Variants in DLGAP4 observed in about 807,000 individuals in gnomAD.
DLGAP4 encodes the protein disks large-associated protein 4.
In DLGAP4, 18 loss-of-function variants were observed where a neutral mutation model predicts 86.9. The ratio of observed to expected loss-of-function variants is 0.21; its 90% confidence interval spans 0.14 to 0.31. DLGAP4 has a LOEUF of 0.31. DLGAP4 is among the 10% of genes least tolerant of loss of function. The pLI, the probability that DLGAP4 is intolerant of heterozygous loss-of-function variation, is 1.00. For synonymous variants in DLGAP4, 548 were observed against 574.3 expected (o/e 0.95, Z 0.65); for missense variants, 1,085 against 1,362.6 (o/e 0.80, Z 3.21).
Position 36,526,829 on chromosome 20 carries a change from C to A in DLGAP4, c.2777C>A (p.Pro926His). 6.2e-7 allele frequency: 1 copy of A among 1,606,576 alleles called. No homozygotes were observed. The highest frequency in any genetic ancestry group is 8.5e-7 in the Non-Finnish European group (1 of 1,177,816). ...PEKRKEEKKP[P>H]PPVPKKPAKS... ...TCACTAAAGGAAGAGAAGAAACCAC[C>A]CCCTCCGGTCCCAAAGAAGCCAGCC... is the stretch of plus-strand genomic sequence containing the variant. Residue 926 changes from proline to histidine, a missense_variant, in exon 13 of 13, where the codon CCC (proline) becomes CAC (histidine). By Grantham distance (77) the Pro-to-His change is moderately conservative. Around this residue, in one of 2 missense-constraint regions of DLGAP4, gnomAD observed 1,082 missense variants for 1,344.1 expected, o/e 0.81. Transcript: ENST00000339266.
At chr20:36,351,636 G>A (rs1021625128) in intron 1 of DLGAP4, among the ~76,000 whole-genome samples, 8 of 151,990 alleles carry the variant, frequency 5.3e-5, no homozygotes, top group African/African-American at 1.2e-4. Flanking sequence ...AATGTAATGC[G>A]CTTGAATCAT....
chr20:36,368,487 G>A (rs901582281), intron 2 of DLGAP4, among the ~76,000 whole-genome samples: 2 of 152,274 alleles, frequency 1.3e-5, no homozygotes, highest in Non-Finnish European at 2.9e-5. Context: ...GCTGCCCGCT[G>A]GGGTGGCGCC....
chr20:36,475,537 T>C (rs1303040786), intron 7 of DLGAP4, among the ~76,000 whole-genome samples: 2 of 152,178 alleles, frequency 1.3e-5, no homozygotes, highest in African/African-American at 4.8e-5. Flanking sequence ...CCAATTCCTG[T>C]CCAAGATTCT....
intron 1 of DLGAP4, among the ~76,000 whole-genome samples, chr20:36,346,793 A>C (rs987217697): frequency 7.9e-5 from 12 of 152,080 alleles, no homozygotes; most frequent in African/African-American, 2.7e-4. Flanking sequence ...TCTCCTCTTA[A>C]AACTCATGCA....
At chr20:36,468,149 G>A (rs1178678269) in intron 7 of DLGAP4, among the ~76,000 whole-genome samples, 2 of 152,200 alleles carry the variant, frequency 1.3e-5, no homozygotes, top group Non-Finnish European at 2.9e-5. Flanking sequence ...AGGAGCTAGG[G>A]ACCCTCACAC....
chr20:36,472,682 C>A (rs2034722994), intron 7 of DLGAP4, among the ~76,000 whole-genome samples: 1 of 152,032 alleles, frequency 6.6e-6, no homozygotes, highest in Non-Finnish European at 1.5e-5. Flanking sequence ...CCTTAACTCT[C>A]AACATCTTTC....
At chr20:36,517,001 C>T (rs549844711) in intron 10 of DLGAP4, among the ~76,000 whole-genome samples, 4 of 151,302 alleles carry the variant, frequency 2.6e-5, no homozygotes, top group Non-Finnish European at 5.9e-5. Context: ...CGCCTGACCT[C>T]GTGATCCGCC....
At chr20:36,358,546 C>G (rs1180712175) in intron 1 of DLGAP4, among the ~76,000 whole-genome samples, 1 of 152,182 alleles carries the variant, frequency 6.6e-6, no homozygotes, top group Non-Finnish European at 1.5e-5. Context: ...GTGGCTCACG[C>G]CTATAATCCC....
chr20:36,407,280 C>T (rs571829971), intron 2 of DLGAP4, among the ~76,000 whole-genome samples: 63 of 152,264 alleles, frequency 4.1e-4, no homozygotes, highest in Middle Eastern at 6.8e-3. Context: ...TTTAAGGCTG[C>T]AGTGAGCCAT....
At chr20:36,526,462 G>C (rs762783805) in intron 12 of DLGAP4, among the ~76,000 whole-genome samples, 15 of 152,062 alleles carry the variant, frequency 9.9e-5, no homozygotes, top group Non-Finnish European at 1.8e-4. Context: ...AGAATAGCCT[G>C]TAAAATGGGA....
At chr20:36,380,067 C>T (rs1372081190) in intron 2 of DLGAP4, among the ~76,000 whole-genome samples, 2 of 151,896 alleles carry the variant, frequency 1.3e-5, no homozygotes, top group Non-Finnish European at 2.9e-5. Flanking sequence ...CCTCTAGTTT[C>T]ACCTGCTCAG....
chr20:36,350,253 T>C lies in DLGAP4; in HGVS notation c.-303-16792T>C, dbSNP rs991544436. ...CCTTCGGCATCAGTTTCTCTTTGTG[T>C]GCTAGAGACAGTTTCCTTGTGGATA... On this transcript the variant is annotated intron_variant, in intron 1 of 12. Transcript: ENST00000339266. This position sits in a 1 kb window ranked among gnomAD's most constrained non-coding sequence, Gnocchi z 4.4. Among the ~76,000 whole-genome samples, 2 of 152,198 alleles carry C rather than the reference T, an allele frequency of 1.3e-5. No homozygotes were observed. The highest frequency in any genetic ancestry group is 2.9e-5 in the Non-Finnish European group (2 of 68,040).
chr20:36,430,537 G>A (rs1350491869), intron 2 of DLGAP4, among the ~76,000 whole-genome samples: 1 of 151,778 alleles, frequency 6.6e-6, no homozygotes, highest in Admixed American at 6.6e-5. Flanking sequence ...GGCCTCTCTA[G>A]GCAGGCACAG....
At chr20:36,460,753 C>T (rs1177358746) in intron 7 of DLGAP4, among the ~76,000 whole-genome samples, 2 of 152,246 alleles carry the variant, frequency 1.3e-5, no homozygotes, top group African/African-American at 2.4e-5. Flanking sequence ...GAAGGCACCA[C>T]CTACTGCCAA....
intron 10 of DLGAP4, among the ~76,000 whole-genome samples, chr20:36,506,733 C>CTGG (rs2036395117): frequency 6.6e-6 from 1 of 152,206 alleles, no homozygotes; most frequent in Non-Finnish European, 1.5e-5. Flanking sequence ...TAAATTCACA[C>CTGG]TGTTGTATAA....
chr20:36,400,432 G>T (rs74842993), intron 2 of DLGAP4, among the ~76,000 whole-genome samples: 1 of 152,150 alleles, frequency 6.6e-6, no homozygotes, highest in Non-Finnish European at 1.5e-5. Flanking sequence ...AATATGAGTC[G>T]TATTATAAAT....
At chr20:36,355,343 G>C (rs1171468556) in intron 1 of DLGAP4, among the ~76,000 whole-genome samples, 1 of 149,712 alleles carries the variant, frequency 6.7e-6, no homozygotes, top group Non-Finnish European at 1.5e-5. Context: ...TGTCTTCCAG[G>C]CTGGAGTGCA....
intron 1 of DLGAP4, among the ~76,000 whole-genome samples, chr20:36,345,224 G>A (rs2029898041): frequency 6.6e-6 from 1 of 152,214 alleles, no homozygotes; most frequent in Non-Finnish European, 1.5e-5. Context: ...TGAGGCAAAG[G>A]GACCATCTTC....
At chr20:36,483,863 GCCACCCTCTAAC>G (rs950159215) in intron 7 of DLGAP4, among the ~76,000 whole-genome samples, 1 of 152,216 alleles carries the variant, frequency 6.6e-6, no homozygotes, top group East Asian at 1.9e-4. Context: ...AGCCAGAGCT[GCCACCCTCTAAC>G]CCACTCAGGA....
Sources: allele counts gnomAD v4.1 joint callset (sites outside exome capture counted in the v4.1 genomes callset), GRCh38; gene constraint gnomAD v4.1.1; regional missense constraint gnomAD v4.1.1; non-coding constraint Gnocchi (gnomAD v3.1); transcripts MANE v1.5; gene names NCBI Gene and HGNC (gene_info 2026-07-23, HGNC 2026-07-21).